ENTR1: variants seen among roughly 807,000 people sequenced by gnomAD.
The protein encoded by ENTR1 is endosome-associated-trafficking regulator 1.
ENTR1 carries 47 observed loss-of-function variants against 47.9 expected under a neutral mutation model. The ratio of observed to expected loss-of-function variants is 0.98; its 90% CI spans 0.78 to 1.25. ENTR1 has a LOEUF of 1.25. ENTR1 is among the 50% of genes most tolerant of loss of function. The pLI, the probability that ENTR1 is intolerant of heterozygous loss-of-function variation, is 0.00. For synonymous variants in ENTR1, 290 were observed against 245.8 expected, an observed-to-expected ratio of 1.18 and a Z score of -1.68; for missense variants, 668 against 570.5, an observed-to-expected ratio of 1.17 and a Z score of -1.74.
rs188686735 is a variant in ENTR1, at chr9:136,402,568, C to T, written c.*220G>A. 9.4e-6 allele frequency: 4 copies of T among 427,078 alleles called. No homozygotes were observed. Among genetic ancestry groups the T allele is most frequent in the African/African-American group, 2.0e-5 (1 of 49,392 alleles). The allele number at this position is 427,078 out of a possible 1,614,324, so 26.5% of individuals were successfully genotyped here. A position where few individuals can be genotyped will look rare whatever the true frequency, so the allele number is the denominator to read the frequency against. ...AGAATCTATAAGATCGCAGGAATTT[C>T]GCCAAGAAGGGCTGCATAGAAACCA... On this transcript the variant is annotated 3_prime_UTR_variant, in exon 10 of 10. Coordinates refer to ENST00000357365, the MANE Select transcript of ENTR1 (RefSeq NM_001039707.2).
intron 9 of ENTR1, among the ~76,000 whole-genome samples, chr9:136,403,822 G>A (rs532660563): frequency 1.2e-4 from 19 of 152,298 alleles, no homozygotes; most frequent in South Asian, 1.2e-3. Flanking sequence ...TGCTGTGGCT[G>A]TCTGCACCTC....
rs776284908 is a variant in ENTR1, at chr9:136,407,113, C to A, written c.819+32G>T. The stretch of plus-strand genomic sequence containing the variant: ...CCGGGAGAAGCCGCTCGGACAGGCG[C>A]TGTGCCAGAGGGCGCCGTGAGGCTC... On this transcript the variant is annotated intron_variant, in intron 5 of 9. Transcript: ENST00000357365. 2.6e-6 allele frequency: 4 copies of A among 1,553,998 alleles called. No homozygotes were observed. In the African/African-American group the frequency reaches 5.4e-5, roughly 21 times the overall value.
intron 8 of ENTR1, 27 bp downstream of exon 8, chr9:136,404,604 A>G (rs768355112): frequency 6.2e-7 from 1 of 1,610,128 alleles, no homozygotes; most frequent in Non-Finnish European, 8.5e-7. Flanking sequence ...ATCAAAGAAA[A>G]ACACTGAAGT....
chr9:136,404,628 T>C lies in ENTR1; in HGVS notation c.1068+3A>G, dbSNP rs73565196. On this transcript the variant is annotated splice_donor_region_variant and intron_variant, in intron 8 of 9. Transcript: ENST00000357365. ...AAACACTGAAGTCCCTTCCTTTAAT[T>C]ACCTGGAGCAAACTGATTTCCTGTT... 1,358 of 1,613,882 alleles carry C rather than the reference T, an allele frequency of 8.4e-4. 12 individuals are homozygous for C. The African/African-American group carries it at 0.015, about 18-fold the overall frequency.
chr9:136,402,946 T>A (rs1834558065), intron 9 of ENTR1, 59 bp from the exon 10 acceptor site: 1 of 1,273,938 alleles, frequency 7.8e-7, no homozygotes, highest in South Asian at 1.2e-5. Context: ...GCAACAGGGT[T>A]CTGGGGGGAG....
intron 4 of ENTR1, 125 bp downstream of exon 4, chr9:136,407,701 A>AGCTG (rs1834848570): frequency 7.2e-7 from 1 of 1,384,558 alleles, no homozygotes; most frequent in South Asian, 1.4e-5. Flanking sequence ...CTGAGCCCAG[A>AGCTG]GCTGCTCCCC....
chr9:136,408,856 C>T (rs1834916724), intron 3 of ENTR1, 143 bp downstream of exon 3: 1 of 651,602 alleles, frequency 1.5e-6, no homozygotes, highest in Non-Finnish European at 2.8e-6. Flanking sequence ...AGGATCAAGA[C>T]TGAACCCTTG....
chr9:136,404,456 A>C (rs951830903), intron 8 of ENTR1, among the ~76,000 whole-genome samples, 175 bp downstream of exon 8: 1 of 152,222 alleles, frequency 6.6e-6, no homozygotes, highest in Non-Finnish European at 1.5e-5. Flanking sequence ...ACAGAGCTCC[A>C]GGGCCTCCCT....
chr9:136,407,093 A>G, intron 5 of ENTR1, 52 bp downstream of exon 5: 1 of 1,519,992 alleles, frequency 6.6e-7, no homozygotes, highest in Non-Finnish European at 8.9e-7. Flanking sequence ...TCTCCCCGGG[A>G]GAAGCCGCTC....
intron 6 of ENTR1, among the ~76,000 whole-genome samples, chr9:136,405,582 A>G (rs1226163696): frequency 6.6e-6 from 1 of 152,200 alleles, no homozygotes; most frequent in Non-Finnish European, 1.5e-5. Context: ...TACAAAAATA[A>G]GATTTAAAAA....
In ENTR1 at chr9:136,402,761, C is replaced by T. The variant is rs1834544054; in HGVS notation, c.*27G>A. ...TGGTGACCTCAGGGTATACACGGAG[C>T]TTCATGCTGAGAACACCCAGGGGTC... On this transcript the variant is annotated 3_prime_UTR_variant, in exon 10 of 10. Transcript: ENST00000357365. The T allele has an allele frequency of 6.6e-7, 1 of 1,525,630 alleles. No individual in the cohort carries two copies. Among genetic ancestry groups the T allele is most frequent in the East Asian group, 2.2e-5 (1 of 44,476 alleles). 94.5% of individuals were successfully genotyped at this position (1,525,630 alleles called of 1,614,324 possible).
chr9:136,405,062 C>A, intron 7 of ENTR1, 29 bp downstream of exon 7: 1 of 1,574,072 alleles, frequency 6.4e-7, no homozygotes, highest in Non-Finnish European at 8.7e-7. Flanking sequence ...CCCCACCCAG[C>A]TCGTCCGATT....
At position 136,407,283 on chromosome 9, in the gene ENTR1, C is replaced by G. The variant is rs1834813514; in HGVS notation, c.681G>C (p.Leu227=). The change falls in exon 5 of 10, where the codon CTG becomes CTC. Residue 227 remains leucine, a synonymous_variant. Coordinates refer to ENST00000357365, the MANE Select transcript of ENTR1 (RefSeq NM_001039707.2). ...TPSELAGPES[L]PSWALSDTDS... ...CAGTGTCACTCAACGCCCACGAGGG[C>G]AGAGACTCAGGCCCTGCCAGCTCCG... 6.2e-7 allele frequency: 1 copy of G among 1,612,644 alleles called. No homozygotes were observed. Among genetic ancestry groups the G allele is most frequent in the African/African-American group, 1.3e-5 (1 of 74,928 alleles).
chr9:136,403,975 C>T (rs1834633617), intron 9 of ENTR1, 80 bp downstream of exon 9: 5 of 1,462,266 alleles, frequency 3.4e-6, no homozygotes, highest in Non-Finnish European at 4.6e-6. Context: ...TCAGCCTGGG[C>T]CCCCACCCAG....
In ENTR1 at chr9:136,406,418, G is replaced by A. The variant is rs541407565; in HGVS notation, c.820-440C>T. Among the ~76,000 whole-genome samples, 13 of 151,968 alleles carry A rather than the reference G, an allele frequency of 8.6e-5. No homozygotes were observed. In the East Asian group the frequency reaches 2.1e-3, roughly 25 times the overall value. On this transcript the variant is annotated intron_variant, in intron 5 of 9. Coordinates refer to ENST00000357365, the MANE Select transcript of ENTR1 (RefSeq NM_001039707.2). ...CGGGAGGCGGAGGTTGCAGTGAGCC[G>A]AGATCGTGCCACTCCACTCCAGCAT...
intron 6 of ENTR1, 98 bp from the exon 7 acceptor site, chr9:136,405,300 T>C (rs1588785971): frequency 2.2e-6 from 2 of 913,206 alleles, no homozygotes; most frequent in East Asian, 2.5e-5. Flanking sequence ...GCTAAGAGCC[T>C]GTGATGGAAT....
At position 136,405,929 on chromosome 9, in the gene ENTR1, C is replaced by G. The variant is rs754547980; in HGVS notation, c.869G>C (p.Ser290Thr). The change falls in exon 6 of 10, where the codon AGC becomes ACC. Residue 290 changes from serine to threonine, a missense_variant. By Grantham distance (58) the Ser-to-Thr change is moderately conservative (BLOSUM62 1). Coordinates refer to ENST00000357365, the MANE Select transcript of ENTR1 (RefSeq NM_001039707.2). Reference protein sequence around the residue: ...KLRRKLNEVQSFSEAQTEMVR... With the variant: ...KLRRKLNEVQTFSEAQTEMVR... ...CATTTCTGTTTGAGCTTCAGAGAAG[C>G]TCTGAACCTCATTCAGCTTTCTTCT... is the stretch of plus-strand genomic sequence containing the variant. The G allele has an allele frequency of 1.6e-5, 26 of 1,607,158 alleles. No homozygotes were observed. The East Asian group carries it at 5.8e-4, about 36-fold the overall frequency.
rs539517750 is a variant in ENTR1 at position 136,408,942 on chromosome 9, C to T, written c.289+57G>A. ...GTCACATTGACAGTCCCACCAGACACGTGCCTGGCACTGTGTTGGATGGAG... is the reference window on the plus strand; with the variant it reads ...GTCACATTGACAGTCCCACCAGACATGTGCCTGGCACTGTGTTGGATGGAG... On this transcript the variant is annotated intron_variant, in intron 3 of 9. Transcript: ENST00000357365. 8.4e-6 allele frequency: 12 copies of T among 1,437,074 alleles called. No individual in the cohort carries two copies. In the East Asian group the frequency reaches 1.6e-4, roughly 19 times the overall value. The allele number at this position is 1,437,074 out of a possible 1,614,324, so 89.0% of individuals were successfully genotyped here.
chr9:136,407,656 G>A, intron 4 of ENTR1, 95 bp from the exon 5 acceptor site: 1 of 1,466,520 alleles, frequency 6.8e-7, no homozygotes. Context: ...AAGAAGAAAG[G>A]CCCAATCTCT....
Sources: gnomAD v4.1 joint callset for allele counts (sites outside exome capture counted in the v4.1 genomes callset) on GRCh38, gnomAD v4.1.1 for gene constraint, MANE v1.5 for transcripts, NCBI Gene and HGNC (gene_info 2026-07-23, HGNC 2026-07-21) for gene names.